Variants in ROBO1 observed in about 807,000 individuals in gnomAD.
ROBO1 encodes roundabout guidance receptor 1, also known as roundabout homolog 1.
Under a neutral mutation model 195.9 loss-of-function variants are expected in ROBO1, and 149 were observed. That is an observed-to-expected ratio of 0.76 (90% CI 0.67 to 0.87). ROBO1 has a LOEUF of 0.87. Among genes scored for constraint, ROBO1 ranks in the 40% least tolerant of loss-of-function variants. The probability of loss-of-function intolerance (pLI) is 0.00; values close to 1 mark genes in which losing one functional copy is unlikely to be tolerated. For synonymous variants in ROBO1, 816 were observed against 733.2 expected, an observed-to-expected ratio of 1.11 and a Z score of -1.82; for missense variants, 1,933 against 2,068.3, an observed-to-expected ratio of 0.93 and a Z score of 1.27.
At position 78,717,290 on chromosome 3, in the gene ROBO1, T is replaced by C. The variant is rs1376246625; in HGVS notation, c.902A>G (p.Glu301Gly). 3 of 1,577,082 alleles carry C rather than the reference T, an allele frequency of 1.9e-6. No individual in the cohort carries two copies. In the African/African-American group the frequency reaches 4.1e-5, roughly 22 times the overall value. ...TGATGTGTACCTGGATTTGGGCAGCTCTCCATCATCTTTCCTCCATCGTAC... is the reference window on the plus strand; with the variant it reads ...TGATGTGTACCTGGATTTGGGCAGCCCTCCATCATCTTTCCTCCATCGTAC... ...PTVRWRKDDG[E>G]LPKSRYEIRD... The change falls in exon 7 of 31, where the codon GAG becomes GGG. Residue 301 changes from glutamate to glycine, a missense_variant. Physicochemically the swap from Glu to Gly is moderately conservative, Grantham distance 98. Transcript: ENST00000464233.
At chr3:78,747,635 A>G (rs553729653) in intron 4 of ROBO1, among the ~76,000 whole-genome samples, 1 of 152,274 alleles carries the variant, frequency 6.6e-6, no homozygotes, top group South Asian at 2.1e-4. Flanking sequence ...AGAATGAGAG[A>G]TATTATTAAT....
chr3:78,808,773 T>C (rs937783695), intron 4 of ROBO1, among the ~76,000 whole-genome samples: 13 of 151,992 alleles, frequency 8.6e-5, no homozygotes, highest in South Asian at 6.2e-4. Context: ...ATAAATGGTG[T>C]TGGGAAAACT....
At chr3:79,074,338 T>A (rs6548613) in intron 3 of ROBO1, among the ~76,000 whole-genome samples, 1 of 152,062 alleles carries the variant, frequency 6.6e-6, no homozygotes, top group East Asian at 2.0e-4. Flanking sequence ...TAGAGAAGTT[T>A]ATTTTATATC....
At chr3:78,757,287 T>C (rs908749400) in intron 4 of ROBO1, among the ~76,000 whole-genome samples, 4 of 152,204 alleles carry the variant, frequency 2.6e-5, no homozygotes, top group South Asian at 2.1e-4. Context: ...GGACTCAAGG[T>C]TGCACGATGA....
chr3:79,628,591 T>A (rs905651891), intron 1 of ROBO1, among the ~76,000 whole-genome samples: 2 of 152,062 alleles, frequency 1.3e-5, no homozygotes, highest in African/African-American at 4.8e-5. Flanking sequence ...TGCACATGTA[T>A]CCCAGTTTTT....
chr3:78,928,928 T>A (rs147481938), intron 4 of ROBO1, among the ~76,000 whole-genome samples: 1 of 152,186 alleles, frequency 6.6e-6, no homozygotes, highest in East Asian at 1.9e-4. Flanking sequence ...CAGTATTACC[T>A]GGTAAATATG....
chr3:78,610,699 A>G (rs59148504), intron 28 of ROBO1, among the ~76,000 whole-genome samples: 8,852 of 152,184 alleles, frequency 0.058, 375 homozygotes, highest in African/African-American at 0.12. Flanking sequence ...GATGTTCTAG[A>G]TAGGTGTTAT....
intron 12 of ROBO1, 63 bp from the exon 13 acceptor site, chr3:78,668,365 T>G: frequency 6.3e-7 from 1 of 1,597,808 alleles, no homozygotes. Context: ...AGCGGATAAA[T>G]GCAGATAACA....
chr3:79,507,100 A>T (rs1263350450), intron 2 of ROBO1, among the ~76,000 whole-genome samples: 2 of 152,206 alleles, frequency 1.3e-5, no homozygotes, highest in African/African-American at 2.4e-5. Context: ...ATCAAACCTG[A>T]TGATAGATCA....
At chr3:78,611,001 T>C (rs541440947) in intron 28 of ROBO1, among the ~76,000 whole-genome samples, 9 of 152,286 alleles carry the variant, frequency 5.9e-5, no homozygotes, top group African/African-American at 1.7e-4. Flanking sequence ...GTAGTACAAA[T>C]TGGATTTCAC....
At chr3:78,606,688 A>T (rs1233013480) in intron 29 of ROBO1, 45 bp downstream of exon 29, 1 of 1,581,624 alleles carries the variant, frequency 6.3e-7, no homozygotes, top group African/African-American at 1.3e-5. Flanking sequence ...ATGCCTTGCA[A>T]ACACACTCAA....
At chr3:78,807,605 G>A (rs191188285) in intron 4 of ROBO1, among the ~76,000 whole-genome samples, 68 of 152,336 alleles carry the variant, frequency 4.5e-4, no homozygotes, top group Admixed American at 7.2e-4. Context: ...TAAAACTACA[G>A]AAAAGGTGAA....
At chr3:78,807,960 C>A (rs773644268) in intron 4 of ROBO1, among the ~76,000 whole-genome samples, 55 of 152,176 alleles carry the variant, frequency 3.6e-4, no homozygotes, top group Middle Eastern at 3.4e-3. Context: ...AGTTCTCTGT[C>A]ACATAACAGT....
At chr3:79,461,902 G>T (rs1018639376) in intron 2 of ROBO1, among the ~76,000 whole-genome samples, 3 of 152,038 alleles carry the variant, frequency 2.0e-5, no homozygotes, top group African/African-American at 7.2e-5. Context: ...GTTGTGTAAA[G>T]AATTTTTCCT....
At chr3:78,852,648 G>T (rs555150148) in intron 4 of ROBO1, among the ~76,000 whole-genome samples, 1 of 152,152 alleles carries the variant, frequency 6.6e-6, no homozygotes, top group African/African-American at 2.4e-5. Context: ...TGAGACAAAG[G>T]ATTTAGGCAG....
intron 2 of ROBO1, among the ~76,000 whole-genome samples, chr3:79,380,305 C>T (rs1399458035): frequency 3.9e-5 from 6 of 152,108 alleles, no homozygotes; most frequent in Non-Finnish European, 7.4e-5. Context: ...GTTAATCCCT[C>T]TATGCAAGTG....
chr3:79,405,793 A>C (rs1193251766), intron 2 of ROBO1, among the ~76,000 whole-genome samples: 1 of 152,178 alleles, frequency 6.6e-6, no homozygotes, highest in Non-Finnish European at 1.5e-5. Flanking sequence ...AAAATATGGT[A>C]GTTTGGGAAA....
chr3:79,635,545 C>A (rs1945471922), intron 1 of ROBO1, among the ~76,000 whole-genome samples: 1 of 152,078 alleles, frequency 6.6e-6, no homozygotes, highest in Non-Finnish European at 1.5e-5. Context: ...CAGCAAATAT[C>A]TATTTTGAAA....
At chr3:78,985,904 A>G (rs2077095418) in intron 3 of ROBO1, among the ~76,000 whole-genome samples, 1 of 152,188 alleles carries the variant, frequency 6.6e-6, no homozygotes, top group Non-Finnish European at 1.5e-5. Context: ...CAGAGTTAAG[A>G]TTCAAGTTAT....
Sources: gnomAD v4.1 joint callset for allele counts (sites outside exome capture counted in the v4.1 genomes callset) on GRCh38, gnomAD v4.1.1 for gene constraint, MANE v1.5 for transcripts, NCBI Gene and HGNC (gene_info 2026-07-23, HGNC 2026-07-21) for gene names.